Variants in PLCG2 observed in about 807,000 individuals in gnomAD.
The protein encoded by PLCG2 is phospholipase C gamma 2.
In PLCG2, 69 loss-of-function variants were observed where a neutral mutation model predicts 175.6. The ratio of observed to expected loss-of-function variants is 0.39; its 90% confidence interval spans 0.32 to 0.48. PLCG2 has a LOEUF of 0.48. PLCG2 is among the 20% of genes least tolerant of loss of function. The pLI is 0.91. For synonymous variants in PLCG2, 827 were observed against 624.0 expected, an observed-to-expected ratio of 1.33 and a Z score of -4.85; for missense variants, 1,798 against 1,650.9, an observed-to-expected ratio of 1.09 and a Z score of -1.54.
At chr16:81,952,895 A>G (rs1166839622) in intron 31 of PLCG2, among the ~76,000 whole-genome samples, 1 of 152,212 alleles carries the variant, frequency 6.6e-6, no homozygotes, top group East Asian at 1.9e-4. Context: ...AATTAGAAAG[A>G]CAAAAATAGC....
At chr16:81,864,084 C>T (rs775194000) in intron 5 of PLCG2, among the ~76,000 whole-genome samples, 1 of 152,146 alleles carries the variant, frequency 6.6e-6, no homozygotes, top group African/African-American at 2.4e-5. Context: ...AAAATTAGGG[C>T]TGTCTAGAGG....
chr16:81,927,026 G>C, intron 22 of PLCG2, 56 bp from the exon 23 acceptor site: 1 of 1,124,802 alleles, frequency 8.9e-7, no homozygotes, highest in Non-Finnish European at 1.4e-6. Context: ...ATGAGCAGTA[G>C]TGGGTAATTC....
At chr16:81,784,636 A>AT (rs1366778939) in intron 1 of PLCG2, among the ~76,000 whole-genome samples, 1 of 152,206 alleles carries the variant, frequency 6.6e-6, no homozygotes, top group Non-Finnish European at 1.5e-5. Flanking sequence ...AATAATGGTA[A>AT]TTTTAACAAT....
chr16:81,842,502 A>G (rs1597349433), intron 2 of PLCG2, among the ~76,000 whole-genome samples: 1 of 152,152 alleles, frequency 6.6e-6, no homozygotes, highest in Non-Finnish European at 1.5e-5. Context: ...AAAGTCGGAA[A>G]AGAGGTTGGG....
At chr16:81,814,282 C>A (rs1904442424) in intron 2 of PLCG2, among the ~76,000 whole-genome samples, 1 of 152,152 alleles carries the variant, frequency 6.6e-6, no homozygotes, top group African/African-American at 2.4e-5. Context: ...TCTCAGGGGA[C>A]CTGCCTGTTT....
At chr16:81,801,926 C>A (rs942048993) in intron 2 of PLCG2, among the ~76,000 whole-genome samples, 3 of 151,758 alleles carry the variant, frequency 2.0e-5, no homozygotes, top group African/African-American at 7.3e-5. Flanking sequence ...AGTGATCCAC[C>A]CACCTCAGCC....
intron 30 of PLCG2, among the ~76,000 whole-genome samples, chr16:81,942,893 A>T (rs184482927): frequency 5.7e-4 from 86 of 151,734 alleles, no homozygotes; most frequent in Middle Eastern, 3.4e-3. Context: ...TGAAATGACT[A>T]GAAACAAGAA....
At chr16:81,923,318 C>T in intron 21 of PLCG2, 167 bp from the exon 22 acceptor site, 1 of 567,138 alleles carries the variant, frequency 1.8e-6, no homozygotes, top group South Asian at 2.2e-5. Context: ...CTTTTTGGGG[C>T]CTTCGATCCT....
At chr16:81,858,445 A>G in intron 4 of PLCG2, 89 bp downstream of exon 4, 1 of 915,676 alleles carries the variant, frequency 1.1e-6, no homozygotes, top group East Asian at 2.4e-5. Flanking sequence ...GGGGAAAAAA[A>G]AAAAAAGGGA....
At chr16:81,821,620 G>T (rs891776750) in intron 2 of PLCG2, among the ~76,000 whole-genome samples, 9 of 152,092 alleles carry the variant, frequency 5.9e-5, no homozygotes, top group Non-Finnish European at 1.3e-4. Context: ...GCCAGGCTTG[G>T]TCTTGCTGGG....
chr16:81,822,328 G>A (rs904859102), intron 2 of PLCG2, among the ~76,000 whole-genome samples: 1 of 152,306 alleles, frequency 6.6e-6, no homozygotes, highest in South Asian at 2.1e-4. Flanking sequence ...TCCATGTCCT[G>A]CTCCCCGGAA....
rs150738600 is a variant in PLCG2 at position 81,961,522 on chromosome 16, T to C, written c.*3524T>C. On this transcript the variant is annotated 3_prime_UTR_variant, in exon 33 of 33. Transcript: ENST00000564138. The stretch of plus-strand genomic sequence containing the variant: ...CTATATAATACTTTTGGTACAGAGA[T>C]AGAATTAAATAACATAAAAATCAAA... 2,683 of 220,196 alleles carry C rather than the reference T, an allele frequency of 0.012. 67 individuals carry two copies. Among genetic ancestry groups the C allele is most frequent in the African/African-American group, 0.056 (2,494 of 44,770 alleles). The allele number at this position is 220,196 out of a possible 1,614,324, so 13.6% of individuals were successfully genotyped here. A position where few individuals can be genotyped will look rare whatever the true frequency, so the allele number is the denominator to read the frequency against.
intron 31 of PLCG2, among the ~76,000 whole-genome samples, chr16:81,956,334 C>T (rs527566035): frequency 6.6e-6 from 1 of 152,202 alleles, no homozygotes; most frequent in Admixed American, 6.5e-5. Context: ...CCACTTTAAG[C>T]GTGCAGCTGC....
upstream of PLCG2, among the ~76,000 whole-genome samples, chr16:81,775,898 T>G (rs1293911357): frequency 6.6e-6 from 1 of 151,850 alleles, no homozygotes; most frequent in African/African-American, 2.4e-5. Flanking sequence ...TGAATGCCTC[T>G]TATTAATCTG....
At chr16:81,839,701 T>C (rs1008644755) in intron 2 of PLCG2, among the ~76,000 whole-genome samples, 3 of 152,202 alleles carry the variant, frequency 2.0e-5, no homozygotes, top group African/African-American at 7.2e-5. Flanking sequence ...GGGCACCATT[T>C]AAATTTAATT....
intron 2 of PLCG2, among the ~76,000 whole-genome samples, chr16:81,844,003 G>A (rs551077315): frequency 5.4e-5 from 8 of 148,248 alleles, no homozygotes; most frequent in South Asian, 2.1e-4. Context: ...TTGAGAAGGC[G>A]TCTTGCTCTG....
chr16:81,842,909 T>C (rs1006048848), intron 2 of PLCG2: 2 of 127,952 alleles, frequency 1.6e-5, no homozygotes, highest in Admixed American at 1.7e-4. Flanking sequence ...GTGGCTGGAG[T>C]GGGGTGCCGG....
Position 81,817,444 on chromosome 16 carries a change from C to G in PLCG2, c.193+31262C>G, listed in dbSNP as rs1268023500. Among the ~76,000 whole-genome samples, 7 of 152,212 alleles carry G rather than the reference C, an allele frequency of 4.6e-5. No homozygotes were observed. The East Asian group carries it at 7.7e-4, about 17-fold the overall frequency. ...AGGAGTTTCGCTTTTGTTGCGCACGCTGGAGTGCATCGTCTTGAGGGGTGC... is the reference window on the plus strand; with the variant it reads ...AGGAGTTTCGCTTTTGTTGCGCACGGTGGAGTGCATCGTCTTGAGGGGTGC... On this transcript the variant is annotated intron_variant, in intron 2 of 32. Coordinates refer to ENST00000564138, the MANE Select transcript of PLCG2 (RefSeq NM_002661.5).
intron 2 of PLCG2, among the ~76,000 whole-genome samples, chr16:81,832,601 G>A (rs1287056720): frequency 3.3e-5 from 5 of 152,164 alleles, no homozygotes; most frequent in Admixed American, 2.0e-4. Context: ...ATGGGATTTT[G>A]CCGTGTTGCC....
Sources: allele counts gnomAD v4.1 joint callset (sites outside exome capture counted in the v4.1 genomes callset), GRCh38; gene constraint gnomAD v4.1.1; transcripts MANE v1.5; gene names NCBI Gene and HGNC (gene_info 2026-07-23, HGNC 2026-07-21).